MSI2: variants seen among roughly 807,000 people sequenced by gnomAD.
MSI2 encodes RNA-binding protein Musashi homolog 2.
Under a neutral mutation model 45.6 loss-of-function variants are expected in MSI2, and 17 were observed. That is an observed-to-expected ratio of 0.37 (90% CI 0.26 to 0.56). The LOEUF (loss-of-function observed/expected upper bound fraction) is 0.56, where lower values mean the gene tolerates loss of function less well. Ranked by LOEUF, MSI2 falls within the 20% of genes least tolerant of loss-of-function variation. MSI2 has a pLI of 0.77. For missense variants in MSI2, 293 were observed against 444.2 expected (o/e 0.66, Z 3.06); for synonymous variants, 156 against 158.2 (o/e 0.99, Z 0.11).
chr17:57,636,521 G>T (rs971943228), intron 10 of MSI2, among the ~76,000 whole-genome samples: 2 of 152,162 alleles, frequency 1.3e-5, no homozygotes, highest in Non-Finnish European at 2.9e-5. Flanking sequence ...AGACCCCGGG[G>T]TGCGCTCAGG....
chr17:57,440,493 C>T (rs548229042), intron 6 of MSI2, among the ~76,000 whole-genome samples: 48 of 132,488 alleles, frequency 3.6e-4, no homozygotes, highest in African/African-American at 1.3e-3. Context: ...GACTGGATTC[C>T]TTGTTGAGCA....
At chr17:57,633,265 C>T (rs1296028298) in intron 10 of MSI2, 1 of 811,168 alleles carries the variant, frequency 1.2e-6, no homozygotes, top group Non-Finnish European at 1.5e-6. Flanking sequence ...TAACCAGCAC[C>T]GATGACAGCC....
intron 6 of MSI2, among the ~76,000 whole-genome samples, chr17:57,442,037 G>A (rs1229740681): frequency 1.5e-5 from 2 of 133,128 alleles, no homozygotes; most frequent in Admixed American, 7.4e-5. Flanking sequence ...CATCAACACA[G>A]CTGATTTTTT....
chr17:57,573,170 T>C (rs1016129281), intron 7 of MSI2, among the ~76,000 whole-genome samples: 2 of 152,184 alleles, frequency 1.3e-5, no homozygotes, highest in East Asian at 3.8e-4. Context: ...TCAGCATTGG[T>C]TACTAGTTAT....
At chr17:57,548,907 C>CA (rs1290163234) in intron 7 of MSI2, among the ~76,000 whole-genome samples, 13 of 113,668 alleles carry the variant, frequency 1.1e-4, no homozygotes, top group African/African-American at 4.5e-4. Context: ...TTCCCCCCCC[C>CA]ACCCCCCCGC....
At chr17:57,375,994 T>C (rs1361963288) in intron 5 of MSI2, among the ~76,000 whole-genome samples, 1 of 152,166 alleles carries the variant, frequency 6.6e-6, no homozygotes, top group Non-Finnish European at 1.5e-5. Context: ...AATTAGGTGA[T>C]ATGTGGGTTC....
At chr17:57,302,398 C>T (rs1218675942) in intron 5 of MSI2, among the ~76,000 whole-genome samples, 2 of 152,172 alleles carry the variant, frequency 1.3e-5, no homozygotes, top group Non-Finnish European at 2.9e-5. Flanking sequence ...GTGTGTGCCA[C>T]GGTGTGCCCG....
At chr17:57,420,882 CA>C (rs1376616088) in intron 6 of MSI2, among the ~76,000 whole-genome samples, 2 of 152,232 alleles carry the variant, frequency 1.3e-5, no homozygotes, top group Admixed American at 6.5e-5. Context: ...AGGCGGCCTG[CA>C]GTTCAGGCGC....
chr17:57,621,116 G>A (rs929357855), intron 9 of MSI2, among the ~76,000 whole-genome samples: 4 of 151,710 alleles, frequency 2.6e-5, no homozygotes, highest in Non-Finnish European at 4.4e-5. Flanking sequence ...TTCTTCCCTC[G>A]AAAGTGGTAG....
At chr17:57,618,669 G>A (rs575055065) in intron 9 of MSI2, among the ~76,000 whole-genome samples, 4 of 152,050 alleles carry the variant, frequency 2.6e-5, no homozygotes, top group African/African-American at 4.8e-5. Flanking sequence ...TCAGCCTCCC[G>A]AGTAGCTGGG....
Position 57,529,871 on chromosome 17 carries a change from G to A in MSI2, c.454+147G>A, listed in dbSNP as rs2086785702. 4.7e-6 allele frequency: 3 copies of A among 644,366 alleles called. No individual in the cohort carries two copies. Among genetic ancestry groups the A allele is most frequent in the Non-Finnish European group, 7.9e-6 (3 of 379,350 alleles). The allele number at this position is 644,366 out of a possible 1,614,324, so 39.9% of individuals were successfully genotyped here. ...CATCCATTGAAGATCTTTATTCACG[G>A]AGAGTCCCAGTAGCACAAAGAGTTC... On this transcript the variant is annotated intron_variant, in intron 7 of 13. Transcript: ENST00000284073. The surrounding 1 kb of genome is among the most constrained non-coding windows in gnomAD (Gnocchi z 5.3).
chr17:57,257,535 C>A lies in MSI2; in HGVS notation c.173C>A (p.Thr58Lys). 1 of 1,594,882 alleles carries A rather than the reference C, an allele frequency of 6.3e-7. No individual in the cohort carries two copies. Among genetic ancestry groups the A allele is most frequent in the Non-Finnish European group, 8.6e-7 (1 of 1,164,796 alleles). Residue 58 changes from threonine to lysine, a missense_variant, in exon 3 of 14, where the codon ACG (threonine) becomes AAG (lysine). By Grantham distance (78) the Thr-to-Lys change is moderately conservative (BLOSUM62 -1). Coordinates refer to ENST00000284073, the MANE Select transcript of MSI2 (RefSeq NM_138962.4). ...TGTATGGTCATGAGAGATCCCACTA[C>A]GAAACGCTCCAGGTAAACCATTCCC... ...RECMVMRDPT[T>K]KRSRGFGFVT...
downstream of MSI2, among the ~76,000 whole-genome samples, chr17:57,689,293 C>A (rs1160705892): frequency 1.3e-5 from 2 of 151,708 alleles, no homozygotes; most frequent in South Asian, 4.2e-4. Context: ...AAAACTATTT[C>A]CATTTTTTGA....
At chr17:57,258,661 C>T (rs537821644) in intron 4 of MSI2, among the ~76,000 whole-genome samples, 3 of 152,304 alleles carry the variant, frequency 2.0e-5, no homozygotes, top group African/African-American at 7.2e-5. Context: ...AGAGCAAATG[C>T]AACTTTTCTT....
At chr17:57,659,076 GT>G (rs749493477) in intron 11 of MSI2, among the ~76,000 whole-genome samples, 131 of 151,964 alleles carry the variant, frequency 8.6e-4, no homozygotes, top group Middle Eastern at 3.4e-3. Flanking sequence ...TGGTTGGTTG[GT>G]TGGTTTGTTG....
At chr17:57,617,240 T>G (rs914896405) in intron 9 of MSI2, among the ~76,000 whole-genome samples, 11 of 152,222 alleles carry the variant, frequency 7.2e-5, no homozygotes, top group Admixed American at 2.0e-4. Context: ...TCATATGAAT[T>G]TTTTAGGCTT....
At chr17:57,327,819 C>T (rs1913931268) in intron 5 of MSI2, among the ~76,000 whole-genome samples, 1 of 152,162 alleles carries the variant, frequency 6.6e-6, no homozygotes, top group African/African-American at 2.4e-5. Context: ...AGTTCAGGCT[C>T]AGCCTTCTGT....
At chr17:57,367,023 G>A (rs924923044) in intron 5 of MSI2, among the ~76,000 whole-genome samples, 2 of 152,226 alleles carry the variant, frequency 1.3e-5, no homozygotes, top group African/African-American at 4.8e-5. Flanking sequence ...GTCAGATTGA[G>A]TTTGCCTTGG....
intron 7 of MSI2, among the ~76,000 whole-genome samples, chr17:57,530,204 C>T (rs1029494967): frequency 5.3e-5 from 8 of 152,136 alleles, no homozygotes; most frequent in African/African-American, 2.4e-5. Flanking sequence ...CTCCGTGGGG[C>T]CTCTGGAATG....
Sources: gnomAD v4.1 joint callset for allele counts (sites outside exome capture counted in the v4.1 genomes callset) on GRCh38, gnomAD v4.1.1 for gene constraint, Gnocchi (gnomAD v3.1) non-coding constraint, MANE v1.5 for transcripts, NCBI Gene and HGNC (gene_info 2026-07-23, HGNC 2026-07-21) for gene names.